Variants in STX8 observed in about 807,000 individuals in gnomAD.
The protein encoded by STX8 is syntaxin-8.
STX8 carries 23 observed loss-of-function variants against 37.5 expected under a neutral mutation model. That is an observed-to-expected ratio of 0.61 (90% CI 0.44 to 0.87). STX8 has a LOEUF of 0.87. Ranked by LOEUF, STX8 falls within the 40% of genes least tolerant of loss-of-function variation. The probability of loss-of-function intolerance (pLI) is 0.00; values close to 1 mark genes in which losing one functional copy is unlikely to be tolerated. For missense variants in STX8, 313 were observed against 284.7 expected (o/e 1.10, Z -0.71); for synonymous variants, 115 against 99.1 (o/e 1.16, Z -0.95).
At chr17:9,331,401 T>C (rs913449755) in intron 7 of STX8, among the ~76,000 whole-genome samples, 4 of 148,566 alleles carry the variant, frequency 2.7e-5, no homozygotes, top group Non-Finnish European at 6.0e-5. Flanking sequence ...ATAATGTTCC[T>C]TGCAAACAGA....
intron 2 of STX8, among the ~76,000 whole-genome samples, chr17:9,566,317 A>T (rs1281875601): frequency 2.6e-5 from 4 of 152,234 alleles, no homozygotes; most frequent in Non-Finnish European, 5.9e-5. Context: ...GATGCTCGGG[A>T]GGTTGCAGAG....
intron 7 of STX8, among the ~76,000 whole-genome samples, chr17:9,346,689 CAA>C (rs767804527): frequency 3.9e-5 from 6 of 152,194 alleles, no homozygotes; most frequent in Non-Finnish European, 8.8e-5. Context: ...GGCCAGGAAG[CAA>C]AGAGACTCCC....
At chr17:9,330,624 T>G (rs1298493911) in intron 7 of STX8, among the ~76,000 whole-genome samples, 3 of 152,254 alleles carry the variant, frequency 2.0e-5, no homozygotes, top group African/African-American at 7.2e-5. Flanking sequence ...TGCACTGGCT[T>G]CGGCTTTCTG....
intron 6 of STX8, among the ~76,000 whole-genome samples, chr17:9,475,444 G>T (rs1464224950): frequency 6.6e-6 from 1 of 152,186 alleles, no homozygotes; most frequent in Non-Finnish European, 1.5e-5. Context: ...TGGTTATAAG[G>T]CAGGAATCAG....
chr17:9,300,283 G>A (rs549516925), intron 7 of STX8, among the ~76,000 whole-genome samples: 9 of 147,598 alleles, frequency 6.1e-5, no homozygotes, highest in East Asian at 2.0e-4. Flanking sequence ...GTGAGCCACG[G>A]TGGTGCCATT....
chr17:9,288,998 G>A (rs1908205665), intron 7 of STX8, among the ~76,000 whole-genome samples: 1 of 152,130 alleles, frequency 6.6e-6, no homozygotes, highest in Non-Finnish European at 1.5e-5. Flanking sequence ...CCTTCTGTGT[G>A]AAATTTAGGA....
chr17:9,421,298 A>G (rs1464101198), intron 6 of STX8, among the ~76,000 whole-genome samples: 3 of 149,726 alleles, frequency 2.0e-5, no homozygotes, highest in African/African-American at 7.4e-5. Context: ...AGGCTGAGGC[A>G]GGAGAATCGC....
In STX8 at chr17:9,575,776, C is replaced by T. The variant is rs1206469716; in HGVS notation, c.17+16G>A. The T allele has an allele frequency of 6.5e-7, 1 of 1,546,396 alleles. No homozygotes were observed. The highest frequency in any genetic ancestry group is 1.2e-5 in the South Asian group (1 of 83,938). On this transcript the variant is annotated intron_variant, in intron 1 of 7. Transcript: ENST00000306357. Reference sequence around the variant, plus strand: ...GAAGGTCCCTCCACGCACCGCCGCCCTCACCCGGGACTCACCAGGGGTCCG... The same window carrying T: ...GAAGGTCCCTCCACGCACCGCCGCCTTCACCCGGGACTCACCAGGGGTCCG...
chr17:9,370,874 T>C (rs575937972), intron 7 of STX8, among the ~76,000 whole-genome samples: 3 of 149,308 alleles, frequency 2.0e-5, no homozygotes, highest in East Asian at 2.0e-4. Flanking sequence ...TGAAAATACA[T>C]AGAGGTACCA....
chr17:9,466,225 C>A (rs1156393238), intron 6 of STX8, among the ~76,000 whole-genome samples: 1 of 152,214 alleles, frequency 6.6e-6, no homozygotes, highest in African/African-American at 2.4e-5. Context: ...CCTGCCTTGG[C>A]CTCCCAAAGT....
At chr17:9,278,275 C>T (rs970406162) in intron 7 of STX8, among the ~76,000 whole-genome samples, 4 of 152,150 alleles carry the variant, frequency 2.6e-5, no homozygotes, top group African/African-American at 9.7e-5. Context: ...TAGAGAAAAC[C>T]CCGTCTCTAC....
chr17:9,362,071 C>T (rs1911078642), intron 7 of STX8, among the ~76,000 whole-genome samples: 1 of 152,170 alleles, frequency 6.6e-6, no homozygotes, highest in Admixed American at 6.5e-5. Flanking sequence ...TGGCTCATGC[C>T]TGTAATCCCA....
intron 6 of STX8, among the ~76,000 whole-genome samples, chr17:9,433,142 C>A (rs745552995): frequency 3.9e-5 from 6 of 152,232 alleles, no homozygotes; most frequent in Admixed American, 6.5e-5. Context: ...CTCAAAATCA[C>A]CATCGTCATA....
intron 7 of STX8, among the ~76,000 whole-genome samples, chr17:9,261,220 C>T (rs1907018661): frequency 6.6e-6 from 1 of 152,168 alleles, no homozygotes; most frequent in Non-Finnish European, 1.5e-5. Flanking sequence ...GGTGAGGCCG[C>T]CGCTTGGTCA....
At chr17:9,504,040 A>T (rs1157489033) in intron 5 of STX8, among the ~76,000 whole-genome samples, 1 of 152,222 alleles carries the variant, frequency 6.6e-6, no homozygotes, top group Non-Finnish European at 1.5e-5. Flanking sequence ...CTGGGATTAC[A>T]GGCGTGAGCC....
chr17:9,564,463 T>C (rs1022416652), intron 2 of STX8, among the ~76,000 whole-genome samples: 5 of 152,146 alleles, frequency 3.3e-5, no homozygotes, highest in African/African-American at 1.2e-4. Flanking sequence ...GGAAATCTCA[T>C]ACTCCCAGTC....
intron 6 of STX8, among the ~76,000 whole-genome samples, chr17:9,447,326 G>A (rs1022391703): frequency 4.6e-5 from 7 of 152,188 alleles, no homozygotes; most frequent in African/African-American, 1.7e-4. Context: ...TGCACAATAC[G>A]TTAGAATGGT....
intron 6 of STX8, among the ~76,000 whole-genome samples, chr17:9,395,739 A>G (rs766556508): frequency 1.6e-4 from 24 of 152,220 alleles, no homozygotes; most frequent in Non-Finnish European, 3.5e-4. Flanking sequence ...ACTTCATTAC[A>G]TATTAAGTAT....
chr17:9,279,993 G>A (rs543459636), intron 7 of STX8, among the ~76,000 whole-genome samples: 5 of 152,256 alleles, frequency 3.3e-5, no homozygotes, highest in South Asian at 2.1e-4. Flanking sequence ...CCAGCACTTC[G>A]GTGGATCACT....
Sources: allele counts gnomAD v4.1 joint callset (sites outside exome capture counted in the v4.1 genomes callset), GRCh38; gene constraint gnomAD v4.1.1; transcripts MANE v1.5; gene names NCBI Gene and HGNC (gene_info 2026-07-23, HGNC 2026-07-21).